The following ERC2 variants were observed in gnomAD, a reference collection of about 807,000 sequenced individuals.
The protein encoded by ERC2 is ELKS/RAB6-interacting/CAST family member 2, also known as ERC protein 2.
In ERC2, 42 loss-of-function variants were observed where a neutral mutation model predicts 114.8. The observed-to-expected ratio is 0.37, with a 90% CI of 0.29 to 0.47. ERC2 has a LOEUF of 0.47. ERC2 is among the 20% of genes least tolerant of loss of function. ERC2 has a pLI of 0.99. For synonymous variants in ERC2, 454 were observed against 425.5 expected (o/e 1.07, Z -0.82); for missense variants, 939 against 1,150.7 (o/e 0.82, Z 2.66).
chr3:55,746,426 G>A (rs1033465380), intron 14 of ERC2, among the ~76,000 whole-genome samples: 1 of 152,060 alleles, frequency 6.6e-6, no homozygotes, highest in African/African-American at 2.4e-5. Flanking sequence ...TAGAGACGGG[G>A]TTTCACCATG....
At chr3:55,716,165 T>C (rs1199750082) in intron 15 of ERC2, among the ~76,000 whole-genome samples, 1 of 152,228 alleles carries the variant, frequency 6.6e-6, no homozygotes, top group African/African-American at 2.4e-5. Flanking sequence ...CCCTATGTCA[T>C]GTGCATCAGA....
chr3:55,724,164 C>G (rs1315231690), intron 15 of ERC2, among the ~76,000 whole-genome samples: 1 of 152,166 alleles, frequency 6.6e-6, no homozygotes, highest in Non-Finnish European at 1.5e-5. Flanking sequence ...ACCAAAATGA[C>G]AGCACACTTG....
intron 12 of ERC2, among the ~76,000 whole-genome samples, chr3:55,956,846 C>T (rs549582272): frequency 6.6e-6 from 1 of 152,148 alleles, no homozygotes; most frequent in Non-Finnish European, 1.5e-5. Flanking sequence ...CCTGGCTTCC[C>T]TCCTTGCTTT....
At chr3:56,182,496 T>A (rs540226564) in intron 3 of ERC2, among the ~76,000 whole-genome samples, 1 of 152,274 alleles carries the variant, frequency 6.6e-6, no homozygotes, top group Non-Finnish European at 1.5e-5. Flanking sequence ...CACATTGCTA[T>A]GCGCTAAGCA....
chr3:55,799,876 G>A (rs2070898240), intron 14 of ERC2, among the ~76,000 whole-genome samples: 3 of 152,096 alleles, frequency 2.0e-5, no homozygotes, highest in Non-Finnish European at 4.4e-5. Flanking sequence ...CAGAGTAGGG[G>A]TCACCATTAC....
At chr3:55,903,906 C>A (rs1337838607) in intron 13 of ERC2, among the ~76,000 whole-genome samples, 10 of 152,368 alleles carry the variant, frequency 6.6e-5, no homozygotes, top group African/African-American at 1.9e-4. Flanking sequence ...TAGACTCACA[C>A]ACACATCCAC....
At chr3:56,157,854 G>A (rs919397270) in intron 4 of ERC2, among the ~76,000 whole-genome samples, 1 of 152,174 alleles carries the variant, frequency 6.6e-6, no homozygotes, top group Non-Finnish European at 1.5e-5. Flanking sequence ...TGAGGCATGT[G>A]ATGGTTGGTA....
At chr3:55,740,434 T>C (rs2065907463) in intron 14 of ERC2, among the ~76,000 whole-genome samples, 1 of 152,108 alleles carries the variant, frequency 6.6e-6, no homozygotes. Context: ...ATAAAATTAG[T>C]GTAACTAAGA....
chr3:56,258,833 T>A (rs2052708120), intron 3 of ERC2, among the ~76,000 whole-genome samples: 1 of 152,188 alleles, frequency 6.6e-6, no homozygotes, highest in African/African-American at 2.4e-5. Context: ...AAACTCCACT[T>A]TGTACAACTT....
In ERC2 at chr3:56,161,336, T is replaced by TATAGCA. The variant is rs1237414554; in HGVS notation, c.1149+12104_1149+12109dup. ...GAATACCCAGCCTCAGGTATTACTT[T>TATAGCA]ATAGCAATGTGAGGACAGCCTATTA... On this transcript the variant is annotated intron_variant, in intron 4 of 17. Coordinates refer to ENST00000288221, the MANE Select transcript of ERC2 (RefSeq NM_015576.3). Among the ~76,000 whole-genome samples, 5 of 152,334 alleles carry TATAGCA rather than the reference T, an allele frequency of 3.3e-5. No individual in the cohort carries two copies. In the East Asian group the frequency reaches 9.6e-4, roughly 29 times the overall value.
At position 55,734,684 on chromosome 3, in the gene ERC2, T is replaced by G. The variant is rs1278452062; in HGVS notation, c.2712+87A>C. The G allele has an allele frequency of 4.7e-6, 7 of 1,500,326 alleles. No homozygotes were observed. The Admixed American group carries it at 1.5e-4, about 32-fold the overall frequency. The allele number at this position is 1,500,326 out of a possible 1,614,324, so 92.9% of individuals were successfully genotyped here. ...GGAGCTTGAGCCCACAGGATGGACA[T>G]GGGAAAATGAAGAGTGGCTAAAATC... On this transcript the variant is annotated intron_variant, in intron 15 of 17. Coordinates refer to ENST00000288221, the MANE Select transcript of ERC2 (RefSeq NM_015576.3).
rs537451881 is a variant in ERC2, at chr3:55,655,797, G to A, written c.*39+27997C>T. On this transcript the variant is annotated intron_variant, in intron 17 of 17. Coordinates refer to ENST00000288221, the MANE Select transcript of ERC2 (RefSeq NM_015576.3). ...GGATAGGGATGTGTGTTCATCCCAG[G>A]ATGCAAAAATATCAGCAAGAAGAGA... Among the ~76,000 whole-genome samples, 3 of 152,326 alleles carry A rather than the reference G, an allele frequency of 2.0e-5. No individual in the cohort carries two copies. In the South Asian group the frequency reaches 6.2e-4, roughly 32 times the overall value.
chr3:56,236,460 CA>C (rs1187308113), intron 3 of ERC2, among the ~76,000 whole-genome samples: 3 of 152,158 alleles, frequency 2.0e-5, no homozygotes, highest in African/African-American at 7.2e-5. Context: ...TGGATTTCAC[CA>C]AATTGCTTTT....
chr3:55,892,887 G>A (rs1282496927), intron 13 of ERC2, among the ~76,000 whole-genome samples: 2 of 152,098 alleles, frequency 1.3e-5, no homozygotes, highest in Non-Finnish European at 2.9e-5. Context: ...TGGTCTCAAT[G>A]TTTACGTACC....
chr3:56,289,965 A>G (rs976950711), intron 3 of ERC2, among the ~76,000 whole-genome samples: 47 of 152,228 alleles, frequency 3.1e-4, no homozygotes, highest in African/African-American at 1.1e-3. Context: ...TGATGACAAC[A>G]GTATTTACTT....
intron 14 of ERC2, among the ~76,000 whole-genome samples, chr3:55,800,227 G>A (rs940001896): frequency 4.5e-4 from 69 of 152,018 alleles, no homozygotes; most frequent in African/African-American, 1.3e-3. Flanking sequence ...TGCAACCTCC[G>A]CCTCCTGGGT....
At chr3:55,974,342 T>A (rs745492983) in intron 12 of ERC2, among the ~76,000 whole-genome samples, 106 of 152,182 alleles carry the variant, frequency 7.0e-4, no homozygotes, top group Non-Finnish European at 1.3e-3. Context: ...CCCACTTGTA[T>A]CAGACAAGAT....
intron 3 of ERC2, among the ~76,000 whole-genome samples, chr3:56,248,151 ACAAT>A: frequency 6.6e-6 from 1 of 152,272 alleles, no homozygotes; most frequent in East Asian, 1.9e-4. Flanking sequence ...GTTCAGTGAC[ACAAT>A]CATAGTTCAT....
chr3:55,716,564 G>A (rs372468255), intron 15 of ERC2, among the ~76,000 whole-genome samples: 98 of 152,240 alleles, frequency 6.4e-4, no homozygotes, highest in Middle Eastern at 3.4e-3. Context: ...TCAGCAAGCC[G>A]CTTGATATCA....
Sources: allele counts gnomAD v4.1 joint callset (sites outside exome capture counted in the v4.1 genomes callset), GRCh38; gene constraint gnomAD v4.1.1; transcripts MANE v1.5; gene names NCBI Gene and HGNC (gene_info 2026-07-23, HGNC 2026-07-21).